RBM8A: variants seen among roughly 807,000 people sequenced by gnomAD.
RBM8A encodes the protein RNA-binding protein 8A.
RBM8A carries 8 observed loss-of-function variants against 25.1 expected under a neutral mutation model. The ratio of observed to expected loss-of-function variants is 0.32; its 90% confidence interval spans 0.19 to 0.58. The LOEUF (loss-of-function observed/expected upper bound fraction) is 0.58, where lower values mean the gene tolerates loss of function less well. Ranked by LOEUF, RBM8A falls within the 20% of genes least tolerant of loss-of-function variation. The pLI is 0.88. For synonymous variants in RBM8A, 66 were observed against 80.0 expected, an observed-to-expected ratio of 0.82 and a Z score of 0.94; for missense variants, 114 against 236.8, an observed-to-expected ratio of 0.48 and a Z score of 3.40.
At chr1:145,927,217 G>A in intron 1 of RBM8A, 140 bp from the exon 2 acceptor site, 1 of 1,452,858 alleles carries the variant, frequency 6.9e-7, no homozygotes, top group Non-Finnish European at 9.4e-7. Flanking sequence ...CCCTTCTCCT[G>A]AAGGGGGCGG....
rs147485985 is a variant in RBM8A at position 145,926,941 on chromosome 1, T to C, written c.128-55A>G. 168 of 1,614,036 alleles carry C rather than the reference T, an allele frequency of 1.0e-4. No homozygotes were observed. The African/African-American group carries it at 1.9e-3, about 18-fold the overall frequency. On this transcript the variant is annotated intron_variant, in intron 2 of 5. Transcript: ENST00000583313. Reference sequence around the variant, plus strand: ...AACTCCTCCTTTCTCCCATTGTTCCTATGAGGTGGGTGGGGACTCCAAAAC... The same window carrying C: ...AACTCCTCCTTTCTCCCATTGTTCCCATGAGGTGGGTGGGGACTCCAAAAC...
rs587720783 is a variant in RBM8A at position 145,924,182 on chromosome 1, G to A, written c.*1700C>T. Reference sequence around the variant, plus strand: ...GTTCCTGTTCCACACGGTCCACTGAGCTGGCCCAGTCCCTTTCACTCAGTG... The same window carrying A: ...GTTCCTGTTCCACACGGTCCACTGAACTGGCCCAGTCCCTTTCACTCAGTG... On this transcript the variant is annotated 3_prime_UTR_variant, in exon 6 of 6. Coordinates refer to ENST00000583313, the MANE Select transcript of RBM8A (RefSeq NM_005105.5). 8.6e-4 allele frequency: 597 copies of A among 697,896 alleles called. 8 individuals carry two copies. The South Asian group carries it at 8.6e-3, about 10-fold the overall frequency. The allele number at this position is 697,896 out of a possible 1,614,324, so 43.2% of individuals were successfully genotyped here. A position where few individuals can be genotyped will look rare whatever the true frequency, so the allele number is the denominator to read the frequency against.
rs782043235 is a variant in RBM8A, at chr1:145,924,290, C to T, written c.*1592G>A. 3.6e-6 allele frequency: 2 copies of T among 556,120 alleles called. No homozygotes were observed. Among genetic ancestry groups the T allele is most frequent in the South Asian group, 1.5e-5 (1 of 65,280 alleles). 34.4% of individuals were successfully genotyped at this position (556,120 alleles called of 1,614,324 possible). ...CTTCTGCTGCCTCTTTCTGCTGCCA[C>T]TGACTGCCATGGCCATCTGCTATAG... On this transcript the variant is annotated 3_prime_UTR_variant, in exon 6 of 6. Transcript: ENST00000583313.
chr1:145,926,812 G>T lies in RBM8A; in HGVS notation c.202C>A (p.Arg68Ser). 6.2e-7 allele frequency: 1 copy of T among 1,614,086 alleles called. No individual in the cohort carries two copies. Among genetic ancestry groups the T allele is most frequent in the Non-Finnish European group, 8.5e-7 (1 of 1,180,018 alleles). ...CACAGGTTCCATTATTACTCACAGCGTTGTGGTCCGGGTTCATCGCCATCC... is the reference window on the plus strand; with the variant it reads ...CACAGGTTCCATTATTACTCACAGCTTTGTGGTCCGGGTTCATCGCCATCC... The part of the protein sequence containing the change: ...EQDGDEPGPQ[R>S]SVEGWILFVT... Residue 68 changes from arginine (R) to serine (S), a missense_variant, in exon 3 of 6, where the codon CGC becomes AGC. This residue lies in a region of RBM8A where 102 missense variants were observed against 182.7 expected (regional missense o/e 0.56). Transcript: ENST00000583313.
chr1:145,925,914 G>A lies in RBM8A; in HGVS notation c.493C>T (p.Arg165Cys), dbSNP rs868993300. The A allele has an allele frequency of 8.1e-6, 13 of 1,614,032 alleles. No homozygotes were observed. Among genetic ancestry groups the A allele is most frequent in the African/African-American group, 1.3e-5 (1 of 74,932 alleles). The change falls in exon 6 of 6, where the codon CGC becomes TGC. Residue 165 changes from arginine to cysteine, a missense_variant. Arg to Cys is a radical substitution (Grantham distance 180). Coordinates refer to ENST00000583313, the MANE Select transcript of RBM8A (RefSeq NM_005105.5). ...CGTCTCCGGTCTGGACTTCTGCTGC[G>A]TCTTCGGCCACCTCTAGGGAAAAAG... Reference protein sequence around the residue: ...PKGKRRGGRRRSRSPDRRRR With the variant: ...PKGKRRGGRRCSRSPDRRRR
In RBM8A at chr1:145,924,189, C is replaced by G. The variant is rs187831250; in HGVS notation, c.*1693G>C. 1.5e-4 allele frequency: 106 copies of G among 692,094 alleles called. No homozygotes were observed. Among genetic ancestry groups the G allele is most frequent in the Non-Finnish European group, 2.6e-4 (95 of 369,000 alleles). The allele number at this position is 692,094 out of a possible 1,614,324, so 42.9% of individuals were successfully genotyped here. On this transcript the variant is annotated 3_prime_UTR_variant, in exon 6 of 6. Transcript: ENST00000583313. ...TTCCACACGGTCCACTGAGCTGGCC[C>G]AGTCCCTTTCACTCAGTGTGTCACC... is the stretch of plus-strand genomic sequence containing the variant.
Position 145,924,919 on chromosome 1 carries a change from T to C in RBM8A, c.*963A>G. ...GCTTATCTTGCTGACCTTCATCCTC[T>C]GCTGGACACCTTATTACCTACTGGG... On this transcript the variant is annotated 3_prime_UTR_variant, in exon 6 of 6. Transcript: ENST00000583313. The C allele has an allele frequency of 3.3e-6, 1 of 306,264 alleles. No homozygotes were observed. The highest frequency in any genetic ancestry group is 6.1e-6 in the Non-Finnish European group (1 of 163,562). 19.0% of individuals were successfully genotyped at this position (306,264 alleles called of 1,614,324 possible).
chr1:145,927,263 C>G, intron 1 of RBM8A, 97 bp downstream of exon 1: 1 of 1,491,364 alleles, frequency 6.7e-7, no homozygotes, highest in Non-Finnish European at 9.1e-7. Flanking sequence ...TTCCTCGATT[C>G]CCATCCTTAC....
chr1:145,927,239 C>T (rs369969723), intron 1 of RBM8A, 121 bp downstream of exon 1: 5 of 1,455,362 alleles, frequency 3.4e-6, no homozygotes, highest in East Asian at 2.4e-5. Context: ...ATCTCTAATC[C>T]ACCCAAGACC....
chr1:145,926,669 C>T, intron 3 of RBM8A, 51 bp from the exon 4 acceptor site: 1 of 1,612,572 alleles, frequency 6.2e-7, no homozygotes, highest in Non-Finnish European at 8.5e-7. Context: ...ACACTTTAAG[C>T]AGGCTCACAG....
At position 145,923,931 on chromosome 1, in the gene RBM8A, T is replaced by C. The variant is rs1647955450; in HGVS notation, c.*1951A>G. 3.4e-6 allele frequency: 2 copies of C among 595,502 alleles called. No homozygotes were observed. Among genetic ancestry groups the C allele is most frequent in the African/African-American group, 1.9e-5 (1 of 53,898 alleles). The allele number at this position is 595,502 out of a possible 1,614,324, so 36.9% of individuals were successfully genotyped here. ...AGCAGGATTGTTTTAAGTTCCAAGA[T>C]TTAACAAACTTACTGTTCAGCATCA... On this transcript the variant is annotated 3_prime_UTR_variant, in exon 6 of 6. Transcript: ENST00000583313.
chr1:145,926,152 G>A lies in RBM8A; in HGVS notation c.368C>T (p.Thr123Ile), dbSNP rs1553755835. 1.2e-6 allele frequency: 2 copies of A among 1,613,890 alleles called. No individual in the cohort carries two copies. The highest frequency in any genetic ancestry group is 4.5e-5 in the East Asian group (2 of 44,878). The change falls in exon 5 of 6, where the codon ACA (threonine) becomes ATA (isoleucine). Residue 123 changes from threonine to isoleucine, a missense_variant. Physicochemically the swap from Thr to Ile is moderately conservative, Grantham distance 89. Around this residue, in one of 2 missense-constraint regions of RBM8A, gnomAD observed 102 missense variants for 182.7 expected, o/e 0.56. Transcript: ENST00000583313. ...CATAGCAGCCTGGGCTTCCTTGTAT[G>A]TTTCATATTCAACTAGAGTATACCC... is the stretch of plus-strand genomic sequence containing the variant. ...LKGYTLVEYE[T>I]YKEAQAAMEG...
At position 145,923,510 on chromosome 1, in the gene RBM8A, T is replaced by A. The variant is rs1241662262; in HGVS notation, c.*2372A>T. The A allele has an allele frequency of 5.9e-6, 1 of 170,076 alleles. No homozygotes were observed. Among genetic ancestry groups the A allele is most frequent in the Non-Finnish European group, 1.3e-5 (1 of 79,576 alleles). 10.5% of individuals were successfully genotyped at this position (170,076 alleles called of 1,614,324 possible). A position where few individuals can be genotyped will look rare whatever the true frequency, so the allele number is the denominator to read the frequency against. ...GAATCTGATGCCTACTGAGCTTACC[T>A]TTTATCAAATTAATAGTGACTCAAT... On this transcript the variant is annotated 3_prime_UTR_variant, in exon 6 of 6. Coordinates refer to ENST00000583313, the MANE Select transcript of RBM8A (RefSeq NM_005105.5).
Position 145,926,640 on chromosome 1 carries a change from T to C in RBM8A, c.206-22A>G, listed in dbSNP as rs369761582. ...ACAGCTGTTGGGGGACGGGGGGAAG[T>C]TGTATGAGTACATGAGAGACACTTT... On this transcript the variant is annotated intron_variant, in intron 3 of 5. Transcript: ENST00000583313. The C allele has an allele frequency of 3.7e-6, 6 of 1,613,818 alleles. No individual in the cohort carries two copies. The South Asian group carries it at 4.4e-5, about 12-fold the overall frequency.
chr1:145,926,299 T>C, intron 4 of RBM8A, 122 bp from the exon 5 acceptor site: 2 of 1,459,580 alleles, frequency 1.4e-6, no homozygotes, highest in South Asian at 2.5e-5. Flanking sequence ...ATGTACATCA[T>C]ATATCTCTAC....
chr1:145,926,083 A>G lies in RBM8A; in HGVS notation c.437T>C (p.Val146Ala). The G allele has an allele frequency of 6.2e-7, 1 of 1,614,176 alleles. No individual in the cohort carries two copies. Among genetic ancestry groups the G allele is most frequent in the Non-Finnish European group, 8.5e-7 (1 of 1,180,028 alleles). ...GQDLMGQPIS[V>A]DWCFVRGPPK... ...TGGACCCCGAACAAAACACCAGTCA[A>G]CGCTGATGGGCTGTCCCATCAAATC... is the stretch of plus-strand genomic sequence containing the variant. The change falls in exon 5 of 6, where the codon GTT becomes GCT. Residue 146 changes from valine to alanine, a missense_variant. Coordinates refer to ENST00000583313, the MANE Select transcript of RBM8A (RefSeq NM_005105.5).
Position 145,927,418 on chromosome 1 carries a change from G to A in RBM8A, c.9C>T (p.Asp3=), listed in dbSNP as rs1648221672. Reference sequence around the variant, plus strand: ...CCCCAGCCTCGTGAAGATCTAGCACGTCCGCCATCTCGCCTTCGATCGAGA... The same window carrying A: ...CCCCAGCCTCGTGAAGATCTAGCACATCCGCCATCTCGCCTTCGATCGAGA... MA[D]VLDLHEAGGE... The change falls in exon 1 of 6, where the codon GAC becomes GAT. Residue 3 remains aspartate (D), a synonymous_variant. Coordinates refer to ENST00000583313, the MANE Select transcript of RBM8A (RefSeq NM_005105.5). 2 of 1,610,898 alleles carry A rather than the reference G, an allele frequency of 1.2e-6. No homozygotes were observed. Among genetic ancestry groups the A allele is most frequent in the African/African-American group, 1.3e-5 (1 of 74,834 alleles).
chr1:145,924,019 C>T lies in RBM8A; in HGVS notation c.*1863G>A. ...TATTTCCAACTTCTTTAACATGGCACCATGGATGAACTGTTTCTCAGCACT... is the reference window on the plus strand; with the variant it reads ...TATTTCCAACTTCTTTAACATGGCATCATGGATGAACTGTTTCTCAGCACT... On this transcript the variant is annotated 3_prime_UTR_variant, in exon 6 of 6. Transcript: ENST00000583313. 4.7e-6 allele frequency: 3 copies of T among 643,164 alleles called. No homozygotes were observed. The highest frequency in any genetic ancestry group is 1.8e-5 in the South Asian group (1 of 56,802). 39.8% of individuals were successfully genotyped at this position (643,164 alleles called of 1,614,324 possible). A position where few individuals can be genotyped will look rare whatever the true frequency, so the allele number is the denominator to read the frequency against.
At position 145,924,021 on chromosome 1, in the gene RBM8A, A is replaced by ATC. The variant is rs1490576477; in HGVS notation, c.*1860_*1861insGA. 2 of 645,774 alleles carry ATC rather than the reference A, an allele frequency of 3.1e-6. No individual in the cohort carries two copies. The highest frequency in any genetic ancestry group is 3.6e-5 in the African/African-American group (2 of 55,226). The allele number at this position is 645,774 out of a possible 1,614,324, so 40.0% of individuals were successfully genotyped here. A position where few individuals can be genotyped will look rare whatever the true frequency, so the allele number is the denominator to read the frequency against. On this transcript the variant is annotated 3_prime_UTR_variant, in exon 6 of 6. Coordinates refer to ENST00000583313, the MANE Select transcript of RBM8A (RefSeq NM_005105.5). ...TTTCCAACTTCTTTAACATGGCACC[A>ATC]TGGATGAACTGTTTCTCAGCACTGT... is the stretch of plus-strand genomic sequence containing the variant.
Sources: allele counts gnomAD v4.1 joint callset, GRCh38; gene constraint gnomAD v4.1.1; regional missense constraint gnomAD v4.1.1; transcripts MANE v1.5; gene names NCBI Gene and HGNC (gene_info 2026-07-23, HGNC 2026-07-21).